The following ORAI2 variants were observed in gnomAD, a reference collection of about 807,000 sequenced individuals.
ORAI2 encodes the protein ORAI calcium release-activated calcium modulator 2.
In ORAI2, 10 loss-of-function variants were observed where a neutral mutation model predicts 16.2. That is an observed-to-expected ratio of 0.62 (90% CI 0.38 to 1.04). ORAI2 has a LOEUF of 1.04. Among genes scored for constraint, ORAI2 ranks in the 50% least tolerant of loss-of-function variants. The pLI is 0.01. For missense variants in ORAI2, 238 were observed against 355.5 expected, an observed-to-expected ratio of 0.67 and a Z score of 2.66; for synonymous variants, 150 against 157.5, an observed-to-expected ratio of 0.95 and a Z score of 0.35.
chr7:102,444,665 CTTT>C (rs35635937), intron 3 of ORAI2, among the ~76,000 whole-genome samples: 2 of 118,050 alleles, frequency 1.7e-5, no homozygotes, highest in Non-Finnish European at 3.3e-5. Context: ...CAGGCTTCTT[CTTT>C]TTTTTTTTTT....
At chr7:102,441,774 T>C (rs1343267942) in intron 3 of ORAI2, among the ~76,000 whole-genome samples, 1 of 152,056 alleles carries the variant, frequency 6.6e-6, no homozygotes, top group Admixed American at 6.6e-5. Context: ...AAGTGAACCA[T>C]CTGGCGTGGA....
chr7:102,435,156 A>T (rs1188654404), intron 1 of ORAI2, among the ~76,000 whole-genome samples: 1 of 152,198 alleles, frequency 6.6e-6, no homozygotes, highest in Admixed American at 6.6e-5. Context: ...ATGTAGTCCC[A>T]GCTACTCGGG....
chr7:102,435,153 C>T (rs187209468), intron 1 of ORAI2, among the ~76,000 whole-genome samples: 9 of 152,288 alleles, frequency 5.9e-5, no homozygotes, highest in African/African-American at 1.9e-4. Context: ...CACATGTAGT[C>T]CCAGCTACTC....
chr7:102,434,407 G>A (rs907599911), intron 1 of ORAI2, among the ~76,000 whole-genome samples: 5 of 152,258 alleles, frequency 3.3e-5, no homozygotes, highest in African/African-American at 9.6e-5. Context: ...GACAGACATC[G>A]TTTCCTCCAC....
At chr7:102,440,979 GC>G (rs1797183551) in intron 3 of ORAI2, among the ~76,000 whole-genome samples, 1 of 152,010 alleles carries the variant, frequency 6.6e-6, no homozygotes, top group African/African-American at 2.4e-5. Flanking sequence ...TGCAGCCTCT[GC>G]CTCCTGGATT....
chr7:102,442,073 ATTC>A (rs1055252217), intron 3 of ORAI2, among the ~76,000 whole-genome samples: 2 of 152,042 alleles, frequency 1.3e-5, no homozygotes, highest in Non-Finnish European at 2.9e-5. Flanking sequence ...CTTGATGCGT[ATTC>A]TTCCCCCAAC....
At position 102,447,738 on chromosome 7, in the gene ORAI2, T is replaced by C. The variant is rs1394386815; in HGVS notation, c.*686T>C. The C allele has an allele frequency of 6.6e-6, 1 of 152,260 alleles. No individual in the cohort carries two copies. The highest frequency in any genetic ancestry group is 1.5e-5 in the Non-Finnish European group (1 of 68,202). 9.4% of individuals were successfully genotyped at this position (152,260 alleles called of 1,614,324 possible). ...CAGCCTGGCCAGGCCGGAGAAGACA[T>C]GTTCACGGGCATCTATCAGATGCCC... On this transcript the variant is annotated 3_prime_UTR_variant, in exon 4 of 4. Coordinates refer to ENST00000495936, the MANE Select transcript of ORAI2 (RefSeq NM_001126340.3).
intron 1 of ORAI2, among the ~76,000 whole-genome samples, chr7:102,434,121 C>CAAAAAAAAAAAAAAAAAAAAAAAAAA (rs55642836): frequency 1.5e-5 from 1 of 67,006 alleles, no homozygotes. Flanking sequence ...CTCATTAAAG[C>CAAAAAAAAAAAAAAAAAAAAAAAAAA]AAAAAAAAAA....
intron 3 of ORAI2, among the ~76,000 whole-genome samples, chr7:102,440,390 G>A (rs1041639874): frequency 1.3e-5 from 2 of 152,178 alleles, no homozygotes; most frequent in African/African-American, 4.8e-5. Context: ...ACAAAGCTGC[G>A]GCTCTGACAA....
intron 3 of ORAI2, among the ~76,000 whole-genome samples, chr7:102,442,634 C>T (rs113524773): frequency 2.0e-5 from 3 of 151,964 alleles, no homozygotes; most frequent in African/African-American, 4.8e-5. Flanking sequence ...TTGCAGTGAG[C>T]CAAGATCGCT....
At chr7:102,446,235 G>A (rs1025341026) in intron 3 of ORAI2, among the ~76,000 whole-genome samples, 5 of 152,352 alleles carry the variant, frequency 3.3e-5, no homozygotes, top group Middle Eastern at 3.4e-3. Flanking sequence ...AGGCGTGAGC[G>A]ACCACGCTGG....
chr7:102,446,455 G>A, intron 3 of ORAI2, 58 bp from the exon 4 acceptor site: 1 of 1,513,442 alleles, frequency 6.6e-7, no homozygotes, highest in South Asian at 1.3e-5. Context: ...AGGTGGCCCT[G>A]GTGGGGCCAT....
In ORAI2 at chr7:102,452,621, T is replaced by C. The variant is rs1217344045; in HGVS notation, c.*5569T>C. The stretch of plus-strand genomic sequence containing the variant: ...CTACCATGCCCAGCTAATGTTTTTT[T>C]TGTAGAGATGGGATCTTGCTATGTT... On this transcript the variant is annotated 3_prime_UTR_variant, in exon 4 of 4. Transcript: ENST00000495936. The C allele has an allele frequency of 6.6e-6, 1 of 151,830 alleles. No individual in the cohort carries two copies. The highest frequency in any genetic ancestry group is 1.5e-5 in the Non-Finnish European group (1 of 68,020). The allele number at this position is 151,830 out of a possible 1,614,324, so 9.4% of individuals were successfully genotyped here.
chr7:102,435,536 C>CTTTTTTTTTTTTTTTTTTTTTT (rs56680127), intron 1 of ORAI2, among the ~76,000 whole-genome samples: 1 of 121,574 alleles, frequency 8.2e-6, no homozygotes, highest in African/African-American at 3.0e-5. Context: ...GCCCCCCCCT[C>CTTTTTTTTTTTTTTTTTTTTTT]TTTTTTTTTT....
chr7:102,452,528 T>G lies in ORAI2; in HGVS notation c.*5476T>G, dbSNP rs534188527. ...TCATAGCTCTCTGCAGGCTCCAGCT[T>G]CTGGGCGCAAGCAATCCTCCCACCT... On this transcript the variant is annotated 3_prime_UTR_variant, in exon 4 of 4. Transcript: ENST00000495936. The G allele has an allele frequency of 6.6e-6, 1 of 151,872 alleles. No homozygotes were observed. Among genetic ancestry groups the G allele is most frequent in the Non-Finnish European group, 1.5e-5 (1 of 67,954 alleles). 9.4% of individuals were successfully genotyped at this position (151,872 alleles called of 1,614,324 possible). A position where few individuals can be genotyped will look rare whatever the true frequency, so the allele number is the denominator to read the frequency against.
chr7:102,434,823 C>G (rs1259771799), intron 1 of ORAI2: 1 of 152,312 alleles, frequency 6.6e-6, no homozygotes, highest in Non-Finnish European at 1.5e-5. Context: ...CTCCCTGCCC[C>G]CTCCACCCCC....
chr7:102,437,791 G>A (rs10229440), intron 2 of ORAI2, among the ~76,000 whole-genome samples: 41,711 of 151,858 alleles, frequency 0.27, 6,373 homozygotes, highest in Admixed American at 0.36. Context: ...TGGCCCACAC[G>A]TGTAATCCCA....
Position 102,433,884 on chromosome 7 carries a change from G to A in ORAI2, c.-123+223G>A, listed in dbSNP as rs957466169. 3.3e-5 allele frequency among the ~76,000 whole-genome samples: 5 copies of A among 151,944 alleles called. No individual in the cohort carries two copies. The highest frequency in any genetic ancestry group is 2.1e-4 in the South Asian group (1 of 4,832). On this transcript the variant is annotated intron_variant, in intron 1 of 3. Transcript: ENST00000495936. This position sits in a 1 kb window ranked among gnomAD's most constrained non-coding sequence, Gnocchi z 4.6. ...CGGCGCAGCCGGTTCCGGACACCGG[G>A]GCGTCCCTGGGGGAGGGACAGGGAT...
At position 102,439,014 on chromosome 7, in the gene ORAI2, G is replaced by A. The variant is rs201916492; in HGVS notation, c.58G>A (p.Gly20Ser). Residue 20 changes from glycine to serine, a missense_variant, in exon 3 of 4, where the codon GGC becomes AGC. Around this residue, in one of 3 missense-constraint regions of ORAI2, gnomAD observed 61 missense variants for 72.7 expected, o/e 0.84. Transcript: ENST00000495936. Reference protein sequence around the residue: ...DPSAPACPEPGHKGMDYRDWV... With the variant: ...DPSAPACPEPSHKGMDYRDWV... ...CTCTGCTCCTGCCTGCCCTGAGCCC[G>A]GCCATAAGGGCATGGATTACCGGGA... 2.1e-4 allele frequency: 339 copies of A among 1,613,846 alleles called. 2 individuals carry two copies. The highest frequency in any genetic ancestry group is 1.2e-3 in the Middle Eastern group (7 of 6,084).
Sources: allele counts gnomAD v4.1 joint callset (sites outside exome capture counted in the v4.1 genomes callset), GRCh38; gene constraint gnomAD v4.1.1; regional missense constraint gnomAD v4.1.1; non-coding constraint Gnocchi (gnomAD v3.1); transcripts MANE v1.5; gene names NCBI Gene and HGNC (gene_info 2026-07-23, HGNC 2026-07-21).